ANKS1B: variants seen among roughly 807,000 people sequenced by gnomAD.
The protein encoded by ANKS1B is ankyrin repeat and sterile alpha motif domain-containing protein 1B.
Under a neutral mutation model 148.3 loss-of-function variants are expected in ANKS1B, and 36 were observed. The observed-to-expected ratio is 0.24, with a 90% CI of 0.19 to 0.32. ANKS1B has a LOEUF of 0.32. Ranked by LOEUF, ANKS1B falls within the 10% of genes least tolerant of loss-of-function variation. The pLI, the probability that ANKS1B is intolerant of heterozygous loss-of-function variation, is 1.00. For synonymous variants in ANKS1B, 542 were observed against 560.8 expected (o/e 0.97, Z 0.47); for missense variants, 1,157 against 1,542.6 (o/e 0.75, Z 4.19).
At chr12:99,826,915 A>G (rs1260868732) in intron 1 of ANKS1B, among the ~76,000 whole-genome samples, 1 of 152,138 alleles carries the variant, frequency 6.6e-6, no homozygotes, top group African/African-American at 2.4e-5. Flanking sequence ...GTTTGAGACC[A>G]GCCTTGGCAA....
intron 19 of ANKS1B, among the ~76,000 whole-genome samples, chr12:98,823,077 A>C (rs1027748340): frequency 2.0e-5 from 3 of 152,238 alleles, no homozygotes; most frequent in Non-Finnish European, 4.4e-5. Flanking sequence ...TTAAATTCCA[A>C]GTATGGAAGC....
intron 8 of ANKS1B, among the ~76,000 whole-genome samples, chr12:99,737,700 C>T (rs1323187486): frequency 7.9e-5 from 12 of 152,166 alleles, no homozygotes; most frequent in Middle Eastern, 3.4e-3. Flanking sequence ...AATTTTTCCA[C>T]CTTGTTCCCT....
At chr12:99,879,482 T>G (rs946992470) in intron 1 of ANKS1B, among the ~76,000 whole-genome samples, 1 of 152,214 alleles carries the variant, frequency 6.6e-6, no homozygotes, top group Non-Finnish European at 1.5e-5. Flanking sequence ...ACAATTCTTT[T>G]GTTTGTATGC....
intron 10 of ANKS1B, among the ~76,000 whole-genome samples, chr12:99,479,992 C>T (rs1428138356): frequency 6.6e-6 from 1 of 151,650 alleles, no homozygotes. Flanking sequence ...AAACATTACA[C>T]TGTATCCCAT....
At chr12:99,498,997 A>G (rs1347055209) in intron 10 of ANKS1B, among the ~76,000 whole-genome samples, 1 of 152,154 alleles carries the variant, frequency 6.6e-6, no homozygotes, top group Non-Finnish European at 1.5e-5. Context: ...TTGATGCAAA[A>G]CCTAAACTAT....
intron 17 of ANKS1B, chr12:98,894,491 G>T (rs979193872): frequency 1.2e-6 from 1 of 813,762 alleles, no homozygotes. Context: ...CACCTGCCCC[G>T]GCAAAGCGTC....
At chr12:98,917,013 T>C (rs1596860552) in intron 17 of ANKS1B, among the ~76,000 whole-genome samples, 1 of 150,262 alleles carries the variant, frequency 6.7e-6, no homozygotes, top group Non-Finnish European at 1.5e-5. Context: ...CTGGCTGGAG[T>C]GCAGTGGCAC....
At chr12:98,856,301 T>G (rs1362778145) in intron 17 of ANKS1B, among the ~76,000 whole-genome samples, 1 of 152,298 alleles carries the variant, frequency 6.6e-6, no homozygotes, top group Non-Finnish European at 1.5e-5. Flanking sequence ...CCCATTCTCC[T>G]TATTTTTGAA....
At chr12:99,500,465 G>A (rs1378427932) in intron 10 of ANKS1B, among the ~76,000 whole-genome samples, 1 of 152,114 alleles carries the variant, frequency 6.6e-6, no homozygotes, top group Non-Finnish European at 1.5e-5. Context: ...TCTTAAAAGT[G>A]TTCCTCTATT....
intron 15 of ANKS1B, among the ~76,000 whole-genome samples, chr12:99,119,194 GGA>G (rs2062118045): frequency 6.6e-6 from 1 of 152,124 alleles, no homozygotes; most frequent in Admixed American, 6.5e-5. Flanking sequence ...AGATGGAAAG[GGA>G]GCTTTGACAG....
intron 24 of ANKS1B, among the ~76,000 whole-genome samples, chr12:98,780,365 G>A (rs2098722369): frequency 6.6e-6 from 1 of 152,166 alleles, no homozygotes; most frequent in African/African-American, 2.4e-5. Flanking sequence ...TTGAGTTTAT[G>A]GAGAGGGACA....
intron 12 of ANKS1B, among the ~76,000 whole-genome samples, chr12:99,297,390 T>A (rs1036877487): frequency 3.9e-5 from 6 of 152,166 alleles, no homozygotes; most frequent in African/African-American, 1.2e-4. Flanking sequence ...CCTAAGGCTG[T>A]TTCAAAATGT....
intron 9 of ANKS1B, among the ~76,000 whole-genome samples, chr12:99,528,678 A>C (rs1035609654): frequency 6.6e-6 from 1 of 152,220 alleles, no homozygotes; most frequent in Non-Finnish European, 1.5e-5. Flanking sequence ...TAAAAGCCTA[A>C]GTGATCAATC....
intron 8 of ANKS1B, among the ~76,000 whole-genome samples, chr12:99,658,448 AC>A (rs1250034929): frequency 6.6e-6 from 1 of 151,980 alleles, no homozygotes; most frequent in Non-Finnish European, 1.5e-5. Flanking sequence ...TTCATCCCTT[AC>A]CTAAAATTTT....
At chr12:99,327,323 T>TAC (rs2086608145) in intron 12 of ANKS1B, among the ~76,000 whole-genome samples, 1 of 105,122 alleles carries the variant, frequency 9.5e-6, no homozygotes, top group African/African-American at 6.0e-5. Context: ...TATAATTACA[T>TAC]ATTATATATA....
intron 12 of ANKS1B, among the ~76,000 whole-genome samples, chr12:99,294,158 G>A (rs548382683): frequency 6.6e-6 from 1 of 152,304 alleles, no homozygotes; most frequent in East Asian, 1.9e-4. Flanking sequence ...ATATGTTCCA[G>A]CAATCCCAGT....
chr12:99,333,854 G>GCTTTTTTTTTTTTTT (rs2088098295), intron 12 of ANKS1B, among the ~76,000 whole-genome samples: 1 of 107,484 alleles, frequency 9.3e-6, no homozygotes, highest in Non-Finnish European at 1.9e-5. Context: ...CCAGTTCTCA[G>GCTTTTTTTTTTTTTT]TTTTTTTTTT....
intron 11 of ANKS1B, among the ~76,000 whole-genome samples, chr12:99,406,299 A>G (rs997773550): frequency 6.8e-6 from 1 of 146,040 alleles, no homozygotes; most frequent in African/African-American, 2.6e-5. Context: ...AAAAACTAAA[A>G]AATAAATTGA....
At chr12:99,422,613 A>G (rs2095123648) in intron 11 of ANKS1B, among the ~76,000 whole-genome samples, 1 of 152,218 alleles carries the variant, frequency 6.6e-6, no homozygotes, top group Non-Finnish European at 1.5e-5. Context: ...TACAGCAGGA[A>G]AAGATACAGA....
Sources: gnomAD v4.1 joint callset for allele counts (sites outside exome capture counted in the v4.1 genomes callset) on GRCh38, gnomAD v4.1.1 for gene constraint, MANE v1.5 for transcripts, NCBI Gene and HGNC (gene_info 2026-07-23, HGNC 2026-07-21) for gene names.